The following SLC24A2 variants were observed in gnomAD, a reference collection of about 807,000 sequenced individuals.
The protein encoded by SLC24A2 is solute carrier family 24 member 2.
Under a neutral mutation model 62.0 loss-of-function variants are expected in SLC24A2, and 36 were observed. The observed-to-expected ratio is 0.58, with a 90% confidence interval of 0.44 to 0.77. The LOEUF (loss-of-function observed/expected upper bound fraction) is 0.77. Ranked by LOEUF, SLC24A2 falls within the 30% of genes least tolerant of loss-of-function variation. The pLI is 0.00. For synonymous variants in SLC24A2, 358 were observed against 294.0 expected (o/e 1.22, Z -2.23); for missense variants, 846 against 817.9 (o/e 1.03, Z -0.42).
At chr9:19,720,045 G>A (rs970683418) in intron 2 of SLC24A2, among the ~76,000 whole-genome samples, 14 of 152,148 alleles carry the variant, frequency 9.2e-5, no homozygotes, top group African/African-American at 3.4e-4. Flanking sequence ...TGACATAAAT[G>A]AATGAACTAG....
At chr9:20,001,571 G>A in the SLC24A2 span, among the ~76,000 whole-genome samples, 1 of 152,136 alleles carries the variant, frequency 6.6e-6, no homozygotes, top group South Asian at 2.1e-4. Flanking sequence ...TGTGAAAAAA[G>A]GCGTCTCAGT....
the SLC24A2 span, among the ~76,000 whole-genome samples, chr9:19,969,405 C>G: frequency 6.6e-6 from 1 of 152,168 alleles, no homozygotes; most frequent in African/African-American, 2.4e-5. Context: ...GTCTCACTAT[C>G]TCTCTGAAAG....
At chr9:20,065,429 G>A in the SLC24A2 span, among the ~76,000 whole-genome samples, 2 of 152,184 alleles carry the variant, frequency 1.3e-5, no homozygotes, top group African/African-American at 2.4e-5. Flanking sequence ...AATGCCTGTG[G>A]ATTTTGATGT....
the SLC24A2 span, among the ~76,000 whole-genome samples, chr9:20,302,672 T>G: frequency 6.6e-6 from 1 of 152,218 alleles, no homozygotes; most frequent in East Asian, 1.9e-4. Flanking sequence ...TCCCAGTCTA[T>G]GGCTTGTCTT....
At chr9:19,652,379 G>C (rs1818826899) in intron 2 of SLC24A2, among the ~76,000 whole-genome samples, 1 of 152,162 alleles carries the variant, frequency 6.6e-6, no homozygotes, top group African/African-American at 2.4e-5. Flanking sequence ...TAAGGATCTT[G>C]AGATGGGGAA....
At chr9:20,170,359 C>A in the SLC24A2 span, among the ~76,000 whole-genome samples, 1 of 151,986 alleles carries the variant, frequency 6.6e-6, no homozygotes, top group African/African-American at 2.4e-5. Flanking sequence ...GCACAGAGAG[C>A]AAAGGAGACC....
chr9:19,742,765 C>A (rs576343515), intron 2 of SLC24A2, among the ~76,000 whole-genome samples: 2 of 152,264 alleles, frequency 1.3e-5, no homozygotes, highest in South Asian at 4.1e-4. Context: ...AATGAACTAT[C>A]CCCTACCTCC....
the SLC24A2 span, among the ~76,000 whole-genome samples, chr9:20,208,046 A>G: frequency 6.6e-6 from 1 of 152,178 alleles, no homozygotes; most frequent in Admixed American, 6.5e-5. Context: ...CAGGCATTAA[A>G]CAAATATCAC....
chr9:20,283,497 A>G, the SLC24A2 span, among the ~76,000 whole-genome samples: 1 of 152,186 alleles, frequency 6.6e-6, no homozygotes, highest in Non-Finnish European at 1.5e-5. Context: ...TCTACATGTT[A>G]GCAGTGGAAG....
chr9:19,793,244 C>G (rs910198439), upstream of SLC24A2, among the ~76,000 whole-genome samples: 11 of 152,354 alleles, frequency 7.2e-5, no homozygotes, highest in Non-Finnish European at 1.5e-4. Context: ...CTTGTGCTAC[C>G]TGTCCTTTGT....
the SLC24A2 span, among the ~76,000 whole-genome samples, chr9:20,176,630 C>A: frequency 6.6e-6 from 1 of 152,190 alleles, no homozygotes; most frequent in East Asian, 1.9e-4. Flanking sequence ...GATGAAGATG[C>A]ATAAGTTTTA....
intron 2 of SLC24A2, among the ~76,000 whole-genome samples, chr9:19,728,718 A>G (rs2208549): frequency 0.15 from 22,833 of 152,090 alleles, 2,075 homozygotes; most frequent in Non-Finnish European, 0.21. Flanking sequence ...TGGTGTTTTA[A>G]AAAGCTCCAG....
intron 7 of SLC24A2, among the ~76,000 whole-genome samples, chr9:19,571,930 C>G (rs1454119008): frequency 1.3e-5 from 2 of 152,056 alleles, no homozygotes; most frequent in African/African-American, 4.8e-5. Flanking sequence ...TAGGTAACCC[C>G]AATTAACTAC....
the SLC24A2 span, among the ~76,000 whole-genome samples, chr9:20,225,966 AC>A: frequency 6.6e-6 from 1 of 152,072 alleles, no homozygotes; most frequent in Non-Finnish European, 1.5e-5. Context: ...GGAAGAATGA[AC>A]AAAAGGAAAG....
chr9:19,548,244 C>T (rs777775374), intron 8 of SLC24A2, among the ~76,000 whole-genome samples: 4 of 147,510 alleles, frequency 2.7e-5, no homozygotes, highest in East Asian at 1.9e-4. Context: ...ATATTCTATT[C>T]CAAGTGCTTT....
At chr9:20,026,192 A>C in the SLC24A2 span, among the ~76,000 whole-genome samples, 1 of 152,010 alleles carries the variant, frequency 6.6e-6, no homozygotes, top group Non-Finnish European at 1.5e-5. Context: ...GATTATAATT[A>C]AATGAATTAA....
At chr9:19,654,407 A>T (rs1169881235) in intron 2 of SLC24A2, among the ~76,000 whole-genome samples, 1 of 152,086 alleles carries the variant, frequency 6.6e-6, no homozygotes, top group Non-Finnish European at 1.5e-5. Context: ...TGTGTGAGAG[A>T]CCATGACTTT....
At chr9:20,222,944 C>A in the SLC24A2 span, among the ~76,000 whole-genome samples, 1 of 151,860 alleles carries the variant, frequency 6.6e-6, no homozygotes, top group Non-Finnish European at 1.5e-5. Flanking sequence ...GAAAAAAAAG[C>A]AGCATTAAAC....
the SLC24A2 span, among the ~76,000 whole-genome samples, chr9:19,971,929 C>T: frequency 1.3e-5 from 2 of 152,096 alleles, no homozygotes; most frequent in African/African-American, 4.8e-5. Context: ...GAAACTGAAA[C>T]CCAGAGCTAG....
Sources: allele counts gnomAD v4.1 joint callset (sites outside exome capture counted in the v4.1 genomes callset), GRCh38; gene constraint gnomAD v4.1.1; transcripts MANE v1.5; gene names NCBI Gene and HGNC (gene_info 2026-07-23, HGNC 2026-07-21).